WASHC4: variants seen among roughly 807,000 people sequenced by gnomAD.
The protein encoded by WASHC4 is WASH complex subunit 4, also known as WASH complex subunit 7.
Under a neutral mutation model 166.6 loss-of-function variants are expected in WASHC4, and 86 were observed. The ratio of observed to expected loss-of-function variants is 0.52; its 90% CI spans 0.43 to 0.62. The LOEUF is 0.62. Among genes scored for constraint, WASHC4 ranks in the 20% least tolerant of loss-of-function variants. WASHC4 has a pLI of 0.00. For missense variants in WASHC4, 1,262 were observed against 1,382.4 expected (o/e 0.91, Z 1.38); for synonymous variants, 446 against 451.6 (o/e 0.99, Z 0.16).
chr12:105,164,471 T>C, intron 31 of WASHC4, 164 bp downstream of exon 31: 1 of 809,350 alleles, frequency 1.2e-6, no homozygotes, highest in Non-Finnish European at 2.0e-6. Flanking sequence ...TTGGAAGCCA[T>C]TTGACTCACA....
At chr12:105,115,376 A>T (rs1213769175) in intron 5 of WASHC4, 147 bp downstream of exon 5, 2 of 709,288 alleles carry the variant, frequency 2.8e-6, no homozygotes, top group Non-Finnish European at 5.0e-6. Flanking sequence ...GTAAACAGGT[A>T]AAAAAGCTGA....
chr12:105,131,798 A>G (rs184213871), intron 13 of WASHC4, among the ~76,000 whole-genome samples: 1 of 152,226 alleles, frequency 6.6e-6, no homozygotes, highest in Admixed American at 6.5e-5. Context: ...GCAAAGCCAC[A>G]AAGTATGACT....
chr12:105,140,458 C>G, intron 16 of WASHC4, 57 bp downstream of exon 16: 1 of 1,279,858 alleles, frequency 7.8e-7, no homozygotes, highest in East Asian at 2.3e-5. Flanking sequence ...TTTGTTCTTT[C>G]ATTGTTTTAT....
chr12:105,130,481 G>C (rs1881698392), intron 13 of WASHC4, among the ~76,000 whole-genome samples: 1 of 152,208 alleles, frequency 6.6e-6, no homozygotes, highest in South Asian at 2.1e-4. Context: ...AGAGCTCCAT[G>C]AAGATGAAGG....
intron 18 of WASHC4, 74 bp downstream of exon 18, chr12:105,141,320 A>G: frequency 9.6e-7 from 1 of 1,046,652 alleles, no homozygotes; most frequent in Admixed American, 1.7e-5. Context: ...TTTTTAGCAT[A>G]GCAAGAGAAG....
At chr12:105,137,864 T>A in intron 14 of WASHC4, 22 bp from the exon 15 acceptor site, 1 of 1,586,340 alleles carries the variant, frequency 6.3e-7, no homozygotes, top group Non-Finnish European at 8.6e-7. Context: ...CTTGTGATTA[T>A]AATCAATGTT....
At position 105,168,847 on chromosome 12, in the gene WASHC4, T is replaced by A. The variant is rs545190085; in HGVS notation, c.*1916T>A. The A allele has an allele frequency of 1.3e-5, 2 of 152,382 alleles. No homozygotes were observed. Among genetic ancestry groups the A allele is most frequent in the Non-Finnish European group, 2.9e-5 (2 of 67,984 alleles). The allele number at this position is 152,382 out of a possible 1,614,324, so 9.4% of individuals were successfully genotyped here. On this transcript the variant is annotated 3_prime_UTR_variant, in exon 33 of 33. Coordinates refer to ENST00000332180, the MANE Select transcript of WASHC4 (RefSeq NM_015275.3). ...TATATTCACATCTAATAGGTTAATA[T>A]GTACATTTGGATGATGATTTTTCTT...
intron 19 of WASHC4, 89 bp from the exon 20 acceptor site, chr12:105,143,038 T>C (rs2135797346): frequency 1.2e-6 from 1 of 818,216 alleles, no homozygotes; most frequent in Non-Finnish European, 2.1e-6. Context: ...ATCGAGGTTT[T>C]GTCTTTCAAG....
chr12:105,140,570 C>CATTA (rs771983387), intron 16 of WASHC4, among the ~76,000 whole-genome samples, 169 bp downstream of exon 16: 2 of 152,138 alleles, frequency 1.3e-5, no homozygotes, highest in Non-Finnish European at 2.9e-5. Flanking sequence ...AAGTTATTGG[C>CATTA]ATTATCTTTA....
chr12:105,119,032 A>G (rs1220702944), intron 7 of WASHC4, among the ~76,000 whole-genome samples: 2 of 152,218 alleles, frequency 1.3e-5, no homozygotes, highest in Non-Finnish European at 2.9e-5. Context: ...TTTAATATGG[A>G]GAATTGGTTA....
At chr12:105,137,223 G>T (rs960017867) in intron 14 of WASHC4, among the ~76,000 whole-genome samples, 11 of 152,116 alleles carry the variant, frequency 7.2e-5, no homozygotes, top group Middle Eastern at 6.8e-3. Flanking sequence ...AGCATTAAAA[G>T]AATTTTAACA....
At chr12:105,124,422 T>A (rs1881076519) in intron 10 of WASHC4, among the ~76,000 whole-genome samples, 1 of 151,930 alleles carries the variant, frequency 6.6e-6, no homozygotes, top group Admixed American at 6.6e-5. Context: ...GAACCTATGG[T>A]TTCTGTGAGG....
At chr12:105,116,092 G>A (rs1880151589) in intron 6 of WASHC4, among the ~76,000 whole-genome samples, 1 of 152,112 alleles carries the variant, frequency 6.6e-6, no homozygotes, top group African/African-American at 2.4e-5. Context: ...GTTGTTTAAA[G>A]CGGTAGCCCT....
At chr12:105,146,312 A>G (rs1462282076) in intron 22 of WASHC4, 140 bp from the exon 23 acceptor site, 2 of 607,024 alleles carry the variant, frequency 3.3e-6, no homozygotes, top group Non-Finnish European at 5.9e-6. Context: ...TTAACGTTTG[A>G]TCGTACCTTT....
Position 105,133,799 on chromosome 12 carries a change from G to A in WASHC4, c.1229G>A (p.Ser410Asn), listed in dbSNP as rs1882071696. Residue 410 changes from serine (S) to asparagine (N), a missense_variant, in exon 14 of 33, where the codon AGC (serine) becomes AAC (asparagine). Transcript: ENST00000332180. ...KDVQSYYVFV[S>N]SWMMKMESIL... ...GTACAGTCTTACTACGTCTTTGTGAGCTCATGGATGATGAAAATGGAATCT... is the reference window on the plus strand; with the variant it reads ...GTACAGTCTTACTACGTCTTTGTGAACTCATGGATGATGAAAATGGAATCT... 5.6e-6 allele frequency: 9 copies of A among 1,612,388 alleles called. No homozygotes were observed. Among genetic ancestry groups the A allele is most frequent in the Non-Finnish European group, 7.6e-6 (9 of 1,178,826 alleles).
At position 105,144,799 on chromosome 12, in the gene WASHC4, T is replaced by C; in HGVS notation, c.2261T>C (p.Met754Thr). The C allele has an allele frequency of 6.2e-7, 1 of 1,613,226 alleles. No homozygotes were observed. Among genetic ancestry groups the C allele is most frequent in the Non-Finnish European group, 8.5e-7 (1 of 1,179,346 alleles). The stretch of plus-strand genomic sequence containing the variant: ...CATGACTGGGCCACTTATAGTGAGA[T>C]GAGAAACTTAGCTACTCAGCGTTAT... ...ALHDWATYSE[M>T]RNLATQRYGL... Residue 754 changes from methionine to threonine, a missense_variant, in exon 22 of 33, where the codon ATG becomes ACG. Coordinates refer to ENST00000332180, the MANE Select transcript of WASHC4 (RefSeq NM_015275.3).
At chr12:105,146,431 T>A in intron 22 of WASHC4, 21 bp from the exon 23 acceptor site, 1 of 1,355,628 alleles carries the variant, frequency 7.4e-7, no homozygotes, top group Non-Finnish European at 1.1e-6. Flanking sequence ...TAATAAAACT[T>A]GTATGTGTAT....
intron 24 of WASHC4, chr12:105,149,239 T>A (rs1883544237): frequency 1.0e-6 from 1 of 985,274 alleles, no homozygotes; most frequent in Admixed American, 6.1e-5. Context: ...ACCTGTAGAT[T>A]AGCAATAAGT....
At chr12:105,130,317 C>T (rs1000745650) in intron 13 of WASHC4, among the ~76,000 whole-genome samples, 5 of 152,226 alleles carry the variant, frequency 3.3e-5, no homozygotes, top group African/African-American at 1.2e-4. Flanking sequence ...GTAGGCTGCT[C>T]TGTAGTCTCC....
Sources: gnomAD v4.1 joint callset for allele counts (sites outside exome capture counted in the v4.1 genomes callset) on GRCh38, gnomAD v4.1.1 for gene constraint, MANE v1.5 for transcripts, NCBI Gene and HGNC (gene_info 2026-07-23, HGNC 2026-07-21) for gene names.